Variants in OLAH observed in about 807,000 individuals in gnomAD.
The protein encoded by OLAH is oleoyl-ACP hydrolase.
In OLAH, 33 loss-of-function variants were observed where a neutral mutation model predicts 27.8. The observed-to-expected ratio is 1.19, with a 90% CI of 0.90 to 1.59. The LOEUF (loss-of-function observed/expected upper bound fraction) is 1.59, where lower values mean the gene tolerates loss of function less well. Among genes scored for constraint, OLAH ranks in the 40% most tolerant of loss-of-function variants. The pLI is 0.00. For synonymous variants in OLAH, 120 were observed against 102.9 expected, an observed-to-expected ratio of 1.17 and a Z score of -1.01; for missense variants, 359 against 310.8, an observed-to-expected ratio of 1.16 and a Z score of -1.17.
At chr10:15,069,839 C>T (rs1404649924) in intron 6 of OLAH, among the ~76,000 whole-genome samples, 1 of 152,032 alleles carries the variant, frequency 6.6e-6, no homozygotes, top group East Asian at 1.9e-4. Flanking sequence ...GCACTCAAGC[C>T]CGGGCAATAG....
chr10:15,068,834 G>A (rs1844522824), intron 6 of OLAH, among the ~76,000 whole-genome samples: 2 of 152,198 alleles, frequency 1.3e-5, no homozygotes, highest in Non-Finnish European at 2.9e-5. Flanking sequence ...TCTAGACTGG[G>A]CTTGAGCTGG....
At position 15,068,297 on chromosome 10, in the gene OLAH, T is replaced by C. The variant is rs184043274; in HGVS notation, c.572+2544T>C. Among the ~76,000 whole-genome samples, 10 of 152,308 alleles carry C rather than the reference T, an allele frequency of 6.6e-5. No individual in the cohort carries two copies. In the East Asian group the frequency reaches 1.9e-3, roughly 29 times the overall value. On this transcript the variant is annotated intron_variant, in intron 6 of 7. Transcript: ENST00000378228. The stretch of plus-strand genomic sequence containing the variant: ...GTATTTTAAAGTCCCTGTTTGAGAG[T>C]TCCAACATCTGGGTCTTATCTGTGT...
chr10:15,070,939 C>T (rs1163993550), intron 6 of OLAH, among the ~76,000 whole-genome samples: 1 of 152,042 alleles, frequency 6.6e-6, no homozygotes, highest in Non-Finnish European at 1.5e-5. Flanking sequence ...GTACATGACA[C>T]CACACCTGGC....
At chr10:15,065,464 T>TA in intron 5 of OLAH, 120 bp from the exon 6 acceptor site, 2 of 1,017,378 alleles carry the variant, frequency 2.0e-6, no homozygotes, top group Non-Finnish European at 2.8e-6. Flanking sequence ...AGCCTATAGA[T>TA]AAAGCAGTCT....
intron 1 of OLAH, among the ~76,000 whole-genome samples, chr10:15,033,152 C>T (rs2131320909): frequency 6.6e-6 from 1 of 152,156 alleles, no homozygotes; most frequent in Non-Finnish European, 1.5e-5. Context: ...GCTAGAATTA[C>T]AGGCCTGAAC....
At chr10:15,034,538 T>G (rs894055317) in intron 1 of OLAH, among the ~76,000 whole-genome samples, 2 of 152,200 alleles carry the variant, frequency 1.3e-5, no homozygotes, top group East Asian at 3.8e-4. Flanking sequence ...AAGGCCCTAC[T>G]GGGATCTGAG....
chr10:15,056,013 C>A (rs1174170722), intron 3 of OLAH, among the ~76,000 whole-genome samples: 1 of 152,000 alleles, frequency 6.6e-6, no homozygotes, highest in Non-Finnish European at 1.5e-5. Context: ...CTATGCCCAG[C>A]TAATTTTTGT....
At chr10:15,038,471 G>A (rs748822374) in intron 1 of OLAH, among the ~76,000 whole-genome samples, 11 of 152,124 alleles carry the variant, frequency 7.2e-5, no homozygotes, top group African/African-American at 9.7e-5. Flanking sequence ...CGTGTTATGC[G>A]AGAAACCCAG....
chr10:15,061,923 A>T, intron 4 of OLAH, 61 bp downstream of exon 4: 1 of 1,521,450 alleles, frequency 6.6e-7, no homozygotes, highest in Middle Eastern at 1.7e-4. Flanking sequence ...GTTTGAGGTT[A>T]ATGTTATTCT....
At chr10:15,037,860 C>T (rs931345945) in intron 1 of OLAH, among the ~76,000 whole-genome samples, 3 of 152,192 alleles carry the variant, frequency 2.0e-5, no homozygotes, top group Admixed American at 1.3e-4. Context: ...GCGACTTCAG[C>T]CAGGAATAAG....
chr10:15,046,628 G>A (rs893584861), intron 1 of OLAH, among the ~76,000 whole-genome samples: 1 of 151,898 alleles, frequency 6.6e-6, no homozygotes, highest in African/African-American at 2.4e-5. Flanking sequence ...CCACATATCC[G>A]GCTAATTTTT....
rs745361348 is a variant in OLAH at position 15,034,110 on chromosome 10, T to TTTC, written c.-164+1762_-164+1763insCTT. On this transcript the variant is annotated intron_variant, in intron 1 of 3. Coordinates refer to the OLAH transcript ENST00000413672. Reference sequence around the variant, plus strand: ...AAAGGGCAGACTCCACCATTTTTTTTTTTTCTTTTTTTTTTTTTTTTGAGA... The same window carrying TTTC: ...AAAGGGCAGACTCCACCATTTTTTTTTTCTTTTCTTTTTTTTTTTTTTTTGAGA... Among the ~76,000 whole-genome samples, 54 of 80,860 alleles carry TTTC rather than the reference T, an allele frequency of 6.7e-4. 1 individual carries two copies. Among genetic ancestry groups the TTTC allele is most frequent in the Non-Finnish European group, 7.9e-4 (28 of 35,358 alleles). The allele number at this position is 80,860 out of a possible 152,430, so 53.0% of individuals were successfully genotyped here.
At chr10:15,033,488 G>T (rs539773263) in intron 1 of OLAH, among the ~76,000 whole-genome samples, 1 of 152,048 alleles carries the variant, frequency 6.6e-6, no homozygotes, top group African/African-American at 2.4e-5. Context: ...GAAGAAAAAG[G>T]AGAAGAAAGA....
chr10:15,034,100 CCATTTTTTTTTTTT>C (rs1278899729), intron 1 of OLAH, among the ~76,000 whole-genome samples: 29 of 95,614 alleles, frequency 3.0e-4, no homozygotes, highest in African/African-American at 1.1e-3. Context: ...GCAGACTCCA[CCATTTTTTTTTTTT>C]CTTTTTTTTT....
upstream of OLAH, among the ~76,000 whole-genome samples, chr10:15,043,711 G>A (rs114351896): frequency 2.9e-3 from 435 of 151,862 alleles, 1 homozygote; most frequent in Middle Eastern, 0.01. Context: ...CAGGTGATCC[G>A]CCCACTTTAG....
At chr10:15,035,400 C>T (rs1843826410) in intron 1 of OLAH, among the ~76,000 whole-genome samples, 1 of 152,112 alleles carries the variant, frequency 6.6e-6, no homozygotes, top group African/African-American at 2.4e-5. Context: ...CTGGCATCTG[C>T]TTCTAGGGAG....
At chr10:15,041,309 G>A (rs1003973171), upstream of OLAH, among the ~76,000 whole-genome samples, 8 of 146,022 alleles carry the variant, frequency 5.5e-5, no homozygotes, top group Non-Finnish European at 8.9e-5. Context: ...CAGAGTTTTC[G>A]CTCTTGTGGC....
chr10:15,059,100 CCTCT>C (rs1186827246), intron 3 of OLAH, among the ~76,000 whole-genome samples: 1 of 52,840 alleles, frequency 1.9e-5, no homozygotes, highest in African/African-American at 7.4e-5. Flanking sequence ...TCCCTCCCTC[CCTCT>C]CTCCTTCCCT....
At chr10:15,070,945 C>T (rs1008637366) in intron 6 of OLAH, among the ~76,000 whole-genome samples, 7 of 151,976 alleles carry the variant, frequency 4.6e-5, no homozygotes, top group Non-Finnish European at 7.4e-5. Flanking sequence ...GACACCACAC[C>T]TGGCTAATTT....
Sources: allele counts gnomAD v4.1 joint callset (sites outside exome capture counted in the v4.1 genomes callset), GRCh38; gene constraint gnomAD v4.1.1; transcripts MANE v1.5; gene names NCBI Gene and HGNC (gene_info 2026-07-23, HGNC 2026-07-21).